TRHDE: variants seen among roughly 807,000 people sequenced by gnomAD.
The protein encoded by TRHDE is thyrotropin releasing hormone degrading enzyme, also known as thyrotropin-releasing hormone-degrading ectoenzyme.
Under a neutral mutation model 125.7 loss-of-function variants are expected in TRHDE, and 72 were observed. The observed-to-expected ratio is 0.57, with a 90% CI of 0.47 to 0.70. The LOEUF (loss-of-function observed/expected upper bound fraction) is 0.70. Among genes scored for constraint, TRHDE ranks in the 30% least tolerant of loss-of-function variants. The pLI, the probability that TRHDE is intolerant of heterozygous loss-of-function variation, is 0.00. For synonymous variants in TRHDE, 509 were observed against 509.1 expected, an observed-to-expected ratio of 1.00 and a Z score of 0.00; for missense variants, 1,110 against 1,327.1, an observed-to-expected ratio of 0.84 and a Z score of 2.54.
chr12:72,133,945 A>T lies in TRHDE; in HGVS notation n.279+28193A>T, dbSNP rs1875923135. Among the ~76,000 whole-genome samples the T allele has an allele frequency of 2.6e-5, 4 of 152,136 alleles. No homozygotes were observed. The South Asian group carries it at 8.3e-4, about 32-fold the overall frequency. On this transcript the variant is annotated intron_variant and non_coding_transcript_variant, in intron 2 of 4. Coordinates refer to the TRHDE transcript ENST00000548156. ...ATGTTGCTGACTGCAAGGGGAGCAA[A>T]CTGGTTTCTCTAGGCTTTTGTTTGT...
intron 2 of TRHDE, among the ~76,000 whole-genome samples, chr12:72,165,876 CG>C (rs1876735527): frequency 6.6e-6 from 1 of 152,014 alleles, no homozygotes; most frequent in Admixed American, 6.5e-5. Context: ...GGGGTTTCAC[CG>C]TTTTAGCCAG....
chr12:72,619,789 G>T (rs1406526906), intron 13 of TRHDE, among the ~76,000 whole-genome samples: 1 of 152,100 alleles, frequency 6.6e-6, no homozygotes, highest in Non-Finnish European at 1.5e-5. Flanking sequence ...GTAAGAGCCT[G>T]CCCTGTGTTT....
chr12:72,592,842 C>T (rs1183760125), intron 12 of TRHDE, among the ~76,000 whole-genome samples: 1 of 151,932 alleles, frequency 6.6e-6, no homozygotes, highest in Non-Finnish European at 1.5e-5. Context: ...TCCCGAGTAG[C>T]TGGGATTACA....
chr12:72,456,852 T>G (rs1242056982), intron 3 of TRHDE, among the ~76,000 whole-genome samples: 1 of 152,174 alleles, frequency 6.6e-6, no homozygotes, highest in African/African-American at 2.4e-5. Context: ...TATTAGTTCT[T>G]TCTGTATTTC....
rs141396987 is a variant in TRHDE, at chr12:72,406,244, T to TGAAGA, written c.1315+28127_1315+28128insAGAAG. ...CTTCTCCAAAATAGATCAGTTGCAT[T>TGAAGA]GAAGTAGAACTTTTGATTTATGAGA... On this transcript the variant is annotated intron_variant, in intron 3 of 18. Coordinates refer to ENST00000261180, the MANE Select transcript of TRHDE (RefSeq NM_013381.3). Among the ~76,000 whole-genome samples, 412 of 152,316 alleles carry TGAAGA rather than the reference T, an allele frequency of 2.7e-3. 2 individuals carry two copies. The highest frequency in any genetic ancestry group is 9.6e-3 in the African/African-American group (401 of 41,584).
At position 72,658,493 on chromosome 12, in the gene TRHDE, T is replaced by C. The variant is rs79868676; in HGVS notation, c.3066+1485T>C. 2.5e-3 allele frequency among the ~76,000 whole-genome samples: 384 copies of C among 152,132 alleles called. 2 individuals are homozygous for C. Among genetic ancestry groups the C allele is most frequent in the African/African-American group, 8.6e-3 (358 of 41,516 alleles). On this transcript the variant is annotated intron_variant, in intron 18 of 18. Coordinates refer to ENST00000261180, the MANE Select transcript of TRHDE (RefSeq NM_013381.3). ...TCTCCTCTCCTCCCTACCTCTCTCT[T>C]ATCCCTTCTTTAATTTTTCTTCTTC...
chr12:72,424,372 T>C (rs913304491), intron 3 of TRHDE, among the ~76,000 whole-genome samples: 3 of 152,136 alleles, frequency 2.0e-5, no homozygotes, highest in Non-Finnish European at 2.9e-5. Context: ...AATGACCCCA[T>C]CTTAAATTGC....
intron 3 of TRHDE, among the ~76,000 whole-genome samples, chr12:72,420,403 G>A (rs1482947184): frequency 6.6e-6 from 1 of 152,122 alleles, no homozygotes; most frequent in Non-Finnish European, 1.5e-5. Context: ...TCTCATGTCT[G>A]GAAGGTGCAA....
rs111542338 is a variant in TRHDE, at chr12:72,646,095, G to A, written c.2676-6227G>A. Among the ~76,000 whole-genome samples, 359 of 151,926 alleles carry A rather than the reference G, an allele frequency of 2.4e-3. 3 individuals are homozygous for A. The highest frequency in any genetic ancestry group is 8.2e-3 in the African/African-American group (342 of 41,466). ...AATACTTTATTACTGTAATGGTGGT[G>A]GGTAAATAATTTTTAATTCTAGTAT... is the stretch of plus-strand genomic sequence containing the variant. On this transcript the variant is annotated intron_variant, in intron 15 of 18. Transcript: ENST00000261180.
At chr12:72,351,335 A>G (rs757793009) in intron 2 of TRHDE, among the ~76,000 whole-genome samples, 3 of 151,978 alleles carry the variant, frequency 2.0e-5, no homozygotes. Flanking sequence ...ATCCAGAACT[A>G]AAAGTGTTCT....
chr12:72,600,544 A>G (rs970006581), intron 12 of TRHDE, among the ~76,000 whole-genome samples: 2 of 151,978 alleles, frequency 1.3e-5, no homozygotes, highest in African/African-American at 2.4e-5. Flanking sequence ...TTTGGCTCTC[A>G]GGTTGAATGT....
intron 2 of TRHDE, among the ~76,000 whole-genome samples, chr12:72,357,037 C>A (rs1161668558): frequency 6.6e-6 from 1 of 151,462 alleles, no homozygotes; most frequent in African/African-American, 2.4e-5. Context: ...GTTGTTTAAT[C>A]TGTATTCAGT....
chr12:72,460,873 G>T (rs920997268), intron 3 of TRHDE, among the ~76,000 whole-genome samples: 1 of 152,118 alleles, frequency 6.6e-6, no homozygotes, highest in African/African-American at 2.4e-5. Flanking sequence ...ACTGACAAAT[G>T]TTCCCTGTGC....
intron 1 of TRHDE, among the ~76,000 whole-genome samples, chr12:72,088,841 CCTTCT>C (rs971866919): frequency 2.6e-5 from 4 of 151,848 alleles, no homozygotes; most frequent in African/African-American, 9.7e-5. Flanking sequence ...CCTTCTTCTA[CCTTCT>C]CTTATCAGTC....
intron 2 of TRHDE, among the ~76,000 whole-genome samples, chr12:72,265,545 A>AC (rs1402481961): frequency 6.7e-5 from 10 of 150,290 alleles, no homozygotes; most frequent in East Asian, 3.9e-4. Context: ...CATGAACCCC[A>AC]CCCCCCCAGA....
At chr12:72,453,509 T>G (rs1462718952) in intron 3 of TRHDE, among the ~76,000 whole-genome samples, 1 of 152,122 alleles carries the variant, frequency 6.6e-6, no homozygotes, top group African/African-American at 2.4e-5. Flanking sequence ...CCTGGCTATG[T>G]GGAAGAAAAG....
At chr12:72,142,075 A>G (rs1389739687) in intron 2 of TRHDE, among the ~76,000 whole-genome samples, 2 of 123,664 alleles carry the variant, frequency 1.6e-5, no homozygotes, top group South Asian at 2.8e-4. Flanking sequence ...GCTCCACCAG[A>G]AAAAAAAAAA....
chr12:72,272,969 G>A lies in TRHDE; in HGVS notation c.326G>A (p.Arg109His). The change falls in exon 1 of 19, where the codon CGC (arginine) becomes CAC (histidine). Residue 109 changes from arginine (R) to histidine (H), a missense_variant. Arg to His is a conservative substitution (Grantham distance 29). This residue lies in a region of TRHDE where 248 missense variants were observed against 240.8 expected (regional missense o/e 1.03). Coordinates refer to ENST00000261180, the MANE Select transcript of TRHDE (RefSeq NM_013381.3). This position sits in a 1 kb window ranked among gnomAD's most constrained non-coding sequence, Gnocchi z 6.7. Reference sequence around the variant, plus strand: ...ATGCTCGCTGTGCTGCTCAGCCTGCGCTTCGACGAGTGCGGGGCGAGTGCC... The same window carrying A: ...ATGCTCGCTGTGCTGCTCAGCCTGCACTTCGACGAGTGCGGGGCGAGTGCC... ...VTMLAVLLSL[R>H]FDECGASATP... 6.4e-7 allele frequency: 1 copy of A among 1,564,704 alleles called. No individual in the cohort carries two copies. The highest frequency in any genetic ancestry group is 8.6e-7 in the Non-Finnish European group (1 of 1,162,172).
chr12:72,480,873 G>T, intron 5 of TRHDE, among the ~76,000 whole-genome samples: 1 of 152,144 alleles, frequency 6.6e-6, no homozygotes, highest in East Asian at 1.9e-4. Context: ...TGTCTTCTTA[G>T]ATATTATTAT....
Sources: allele counts gnomAD v4.1 joint callset (sites outside exome capture counted in the v4.1 genomes callset), GRCh38; gene constraint gnomAD v4.1.1; regional missense constraint gnomAD v4.1.1; non-coding constraint Gnocchi (gnomAD v3.1); transcripts MANE v1.5; gene names NCBI Gene and HGNC (gene_info 2026-07-23, HGNC 2026-07-21).